WDPCP: variants seen among roughly 807,000 people sequenced by gnomAD.
WDPCP encodes WD repeat-containing and planar cell polarity effector protein fritz homolog.
WDPCP carries 71 observed loss-of-function variants against 93.1 expected under a neutral mutation model. The observed-to-expected ratio is 0.76, with a 90% CI of 0.63 to 0.93. The LOEUF (loss-of-function observed/expected upper bound fraction) is 0.93. Ranked by LOEUF, WDPCP falls within the 40% of genes least tolerant of loss-of-function variation. The probability of loss-of-function intolerance (pLI) is 0.00; values close to 1 mark genes in which losing one functional copy is unlikely to be tolerated. For synonymous variants in WDPCP, 315 were observed against 315.0 expected (o/e 1.00, Z 0.00); for missense variants, 844 against 887.4 (o/e 0.95, Z 0.62).
At chr2:63,582,450 C>T (rs550937314) in intron 1 of WDPCP, among the ~76,000 whole-genome samples, 2 of 152,192 alleles carry the variant, frequency 1.3e-5, no homozygotes, top group South Asian at 2.1e-4. Context: ...ATACATATAA[C>T]TGTCATCCCC....
chr2:63,253,374 A>AC (rs1346140585), intron 14 of WDPCP, among the ~76,000 whole-genome samples: 3 of 152,058 alleles, frequency 2.0e-5, no homozygotes, highest in Non-Finnish European at 2.9e-5. Flanking sequence ...TGCAACAATA[A>AC]CAAAAATTGA....
At chr2:63,656,322 G>A (rs1462285755) in intron 2 of WDPCP, among the ~76,000 whole-genome samples, 1 of 152,220 alleles carries the variant, frequency 6.6e-6, no homozygotes, top group Non-Finnish European at 1.5e-5. Flanking sequence ...CCTACAGTGG[G>A]TCAGGCTTGG....
intron 9 of WDPCP, among the ~76,000 whole-genome samples, chr2:63,408,562 G>A (rs1214379736): frequency 2.6e-5 from 4 of 152,088 alleles, no homozygotes; most frequent in Non-Finnish European, 5.9e-5. Flanking sequence ...GTAACAATTC[G>A]AACAGGACAA....
At chr2:63,516,540 G>A (rs1051169864) in intron 1 of WDPCP, among the ~76,000 whole-genome samples, 1 of 152,132 alleles carries the variant, frequency 6.6e-6, no homozygotes, top group Non-Finnish European at 1.5e-5. Flanking sequence ...CTGTGTTGTG[G>A]ACACTCAAAC....
chr2:63,223,355 C>G (rs1258597752), intron 14 of WDPCP, among the ~76,000 whole-genome samples: 4 of 152,112 alleles, frequency 2.6e-5, no homozygotes, highest in Non-Finnish European at 5.9e-5. Context: ...TTTTACCACC[C>G]TCACGTGTGA....
At chr2:63,823,659 T>C (rs191054612) in intron 1 of WDPCP, among the ~76,000 whole-genome samples, 27 of 152,278 alleles carry the variant, frequency 1.8e-4, no homozygotes, top group African/African-American at 5.5e-4. Context: ...GCAAACATCA[T>C]AGACATCATC....
chr2:63,558,191 T>C (rs1364450800), intron 1 of WDPCP, among the ~76,000 whole-genome samples: 3 of 151,792 alleles, frequency 2.0e-5, no homozygotes, highest in Non-Finnish European at 2.9e-5. Context: ...ATCCAGTAGC[T>C]GGTTTTTTGA....
chr2:63,215,999 A>G (rs1343906494), intron 14 of WDPCP, among the ~76,000 whole-genome samples: 2 of 152,270 alleles, frequency 1.3e-5, no homozygotes, highest in African/African-American at 2.4e-5. Flanking sequence ...AATCAAAACC[A>G]CAATGAGATA....
intron 2 of WDPCP, among the ~76,000 whole-genome samples, chr2:63,711,031 A>G (rs1669254326): frequency 6.6e-6 from 1 of 152,210 alleles, no homozygotes. Context: ...GCATATTTTG[A>G]TAAGAAACGC....
At chr2:63,362,162 A>T (rs758459081) in intron 12 of WDPCP, among the ~76,000 whole-genome samples, 2 of 151,778 alleles carry the variant, frequency 1.3e-5, no homozygotes, top group Non-Finnish European at 2.9e-5. Context: ...GAATAACAGA[A>T]CTTATTTTTT....
At chr2:63,431,379 A>C (rs1386765825) in intron 9 of WDPCP, among the ~76,000 whole-genome samples, 1 of 152,140 alleles carries the variant, frequency 6.6e-6, no homozygotes, top group Non-Finnish European at 1.5e-5. Context: ...ATAAAAGCTT[A>C]TCTTTTCTGA....
In WDPCP at chr2:63,195,351, G is replaced by A. The variant is rs533908126; in HGVS notation, c.1916-20519C>T. On this transcript the variant is annotated intron_variant, in intron 14 of 17. Transcript: ENST00000272321. ...TGCCATGTGATCTTAAGCAGGTCAC[G>A]TAATCTCTCAGATTGTTGGAAGTGG... 3.9e-5 allele frequency among the ~76,000 whole-genome samples: 6 copies of A among 152,272 alleles called. No individual in the cohort carries two copies. In the East Asian group the frequency reaches 1.2e-3, roughly 29 times the overall value.
chr2:63,560,015 G>C (rs902758761), intron 1 of WDPCP, among the ~76,000 whole-genome samples: 1 of 149,254 alleles, frequency 6.7e-6, no homozygotes, highest in African/African-American at 2.6e-5. Context: ...TGGATCACCT[G>C]AGGTCAGGAG....
intron 2 of WDPCP, among the ~76,000 whole-genome samples, chr2:63,669,752 G>A (rs1710323599): frequency 6.6e-6 from 1 of 152,152 alleles, no homozygotes; most frequent in South Asian, 2.1e-4. Context: ...CCAGTGTTGT[G>A]CTTATGCATT....
rs1670312219 is a variant in WDPCP at position 63,776,858 on chromosome 2, G to C, written n.308+36764C>G. On this transcript the variant is annotated intron_variant and non_coding_transcript_variant, in intron 2 of 4. Transcript: ENST00000467687. Reference sequence around the variant, plus strand: ...TGTTAAGTGAAATAAGCCAGACCCAGAAAGACAAATACTACATGATCTCAC... The same window carrying C: ...TGTTAAGTGAAATAAGCCAGACCCACAAAGACAAATACTACATGATCTCAC... Among the ~76,000 whole-genome samples, 4 of 152,058 alleles carry C rather than the reference G, an allele frequency of 2.6e-5. No individual in the cohort carries two copies. The South Asian group carries it at 8.3e-4, about 32-fold the overall frequency.
chr2:63,475,163 A>C (rs1339954051), intron 6 of WDPCP, among the ~76,000 whole-genome samples: 1 of 152,172 alleles, frequency 6.6e-6, no homozygotes, highest in Admixed American at 6.6e-5. Flanking sequence ...CCCTGCAACA[A>C]AACAGTTGTA....
At chr2:63,371,795 A>G (rs1388705453) in intron 12 of WDPCP, among the ~76,000 whole-genome samples, 1 of 152,196 alleles carries the variant, frequency 6.6e-6, no homozygotes, top group East Asian at 1.9e-4. Flanking sequence ...CCTAAGGATT[A>G]AAATTTAAGA....
At chr2:63,287,384 C>T (rs1310067910) in intron 13 of WDPCP, among the ~76,000 whole-genome samples, 2 of 151,826 alleles carry the variant, frequency 1.3e-5, no homozygotes, top group Non-Finnish European at 2.9e-5. Flanking sequence ...AATCAGTATC[C>T]ACTTATTCTG....
intron 1 of WDPCP, among the ~76,000 whole-genome samples, chr2:63,537,756 T>C (rs1021430683): frequency 3.3e-5 from 5 of 152,196 alleles, no homozygotes; most frequent in Non-Finnish European, 5.9e-5. Context: ...GTTAGATGGG[T>C]TGTGCTTTCC....
Sources: gnomAD v4.1 joint callset for allele counts (sites outside exome capture counted in the v4.1 genomes callset) on GRCh38, gnomAD v4.1.1 for gene constraint, MANE v1.5 for transcripts, NCBI Gene and HGNC (gene_info 2026-07-23, HGNC 2026-07-21) for gene names.